The following PIBF1 variants were observed in gnomAD, a reference collection of about 807,000 sequenced individuals.
PIBF1 encodes progesterone immunomodulatory binding factor 1.
PIBF1 carries 90 observed loss-of-function variants against 112.5 expected under a neutral mutation model. That is an observed-to-expected ratio of 0.80 (90% CI 0.67 to 0.95). The LOEUF is 0.95. PIBF1 is among the 40% of genes least tolerant of loss of function. The pLI, the probability that PIBF1 is intolerant of heterozygous loss-of-function variation, is 0.00. For missense variants in PIBF1, 915 were observed against 852.3 expected, an observed-to-expected ratio of 1.07 and a Z score of -0.92; for synonymous variants, 301 against 288.6, an observed-to-expected ratio of 1.04 and a Z score of -0.44.
At chr13:72,983,660 G>A (rs372536011) in intron 16 of PIBF1, among the ~76,000 whole-genome samples, 4 of 151,994 alleles carry the variant, frequency 2.6e-5, no homozygotes, top group African/African-American at 9.7e-5. Context: ...GCGATTTCTC[G>A]GAAGATTTCA....
At chr13:72,954,585 G>A (rs1002273689) in intron 14 of PIBF1, among the ~76,000 whole-genome samples, 11 of 152,154 alleles carry the variant, frequency 7.2e-5, no homozygotes, top group Admixed American at 6.5e-4. Context: ...TATTCTCCAC[G>A]CTCACTAAAT....
chr13:72,869,939 G>A (rs1054381035), intron 10 of PIBF1, among the ~76,000 whole-genome samples: 1 of 151,850 alleles, frequency 6.6e-6, no homozygotes, highest in African/African-American at 2.4e-5. Flanking sequence ...AGTTTATTTA[G>A]GTAGAATTAT....
intron 12 of PIBF1, among the ~76,000 whole-genome samples, chr13:72,913,181 A>G (rs950744785): frequency 2.0e-5 from 3 of 152,092 alleles, no homozygotes; most frequent in Non-Finnish European, 4.4e-5. Context: ...GATGTTCTAT[A>G]TATCTTGATA....
At chr13:72,949,223 G>T (rs1361484319) in intron 14 of PIBF1, among the ~76,000 whole-genome samples, 1 of 150,082 alleles carries the variant, frequency 6.7e-6, no homozygotes, top group East Asian at 2.0e-4. Flanking sequence ...GACTGATTTG[G>T]AAGATTGGGG....
rs550972906 is a variant in PIBF1 at position 73,001,793 on chromosome 13, T to C, written c.2223+2798T>C. Reference sequence around the variant, plus strand: ...CATGTGCCACAACGCCCAGCTGATTTTTGTATTTTCAGTAGAGGCAAGGTT... The same window carrying C: ...CATGTGCCACAACGCCCAGCTGATTCTTGTATTTTCAGTAGAGGCAAGGTT... On this transcript the variant is annotated intron_variant, in intron 17 of 17. Transcript: ENST00000326291. Among the ~76,000 whole-genome samples, 51 of 152,022 alleles carry C rather than the reference T, an allele frequency of 3.4e-4. No individual in the cohort carries two copies. The South Asian group carries it at 0.01, about 31-fold the overall frequency.
At chr13:72,969,394 T>A (rs1318742749) in intron 15 of PIBF1, among the ~76,000 whole-genome samples, 1 of 152,232 alleles carries the variant, frequency 6.6e-6, no homozygotes, top group Admixed American at 6.5e-5. Context: ...TGTCTTGTGT[T>A]TCATAAATTA....
chr13:72,989,044 A>G (rs1205139958), intron 16 of PIBF1, among the ~76,000 whole-genome samples: 3 of 152,194 alleles, frequency 2.0e-5, no homozygotes, highest in Non-Finnish European at 4.4e-5. Flanking sequence ...TCTCAAAAAA[A>G]AGAAAAAGAA....
At chr13:72,835,914 A>G (rs1434647560) in intron 9 of PIBF1, among the ~76,000 whole-genome samples, 1 of 151,946 alleles carries the variant, frequency 6.6e-6, no homozygotes, top group Non-Finnish European at 1.5e-5. Flanking sequence ...CCTGGCTAAC[A>G]TGGTGAAACC....
chr13:72,806,518 C>A (rs1458152532), intron 5 of PIBF1, among the ~76,000 whole-genome samples: 1 of 152,028 alleles, frequency 6.6e-6, no homozygotes, highest in African/African-American at 2.4e-5. Flanking sequence ...TGCTATCCCT[C>A]CCCTAGTCCC....
At chr13:72,894,772 A>AGTGTGTGTGTGTGTGTGT (rs35885902) in intron 11 of PIBF1, among the ~76,000 whole-genome samples, 23 of 137,218 alleles carry the variant, frequency 1.7e-4, no homozygotes, top group Non-Finnish European at 2.9e-4. Context: ...ATATATATAT[A>AGTGTGTGTGTGTGTGTGT]GTGTGTGTGT....
intron 16 of PIBF1, among the ~76,000 whole-genome samples, chr13:72,979,440 G>A (rs2043101598): frequency 3.9e-5 from 6 of 152,112 alleles, no homozygotes; most frequent in Admixed American, 3.9e-4. Flanking sequence ...ATGCCTAATA[G>A]AATACTGAGC....
At chr13:72,973,471 C>G in intron 15 of PIBF1, 120 bp from the exon 16 acceptor site, 1 of 547,424 alleles carries the variant, frequency 1.8e-6, no homozygotes, top group Non-Finnish European at 3.2e-6. Context: ...TATTTATGGA[C>G]TATAAATTTA....
In PIBF1 at chr13:72,973,706, C is replaced by T. The variant is rs568986175; in HGVS notation, c.2049+31C>T. The T allele has an allele frequency of 8.5e-5, 107 of 1,259,854 alleles. 1 individual carries two copies. The South Asian group carries it at 1.3e-3, about 16-fold the overall frequency. 78.0% of individuals were successfully genotyped at this position (1,259,854 alleles called of 1,614,324 possible). On this transcript the variant is annotated intron_variant, in intron 16 of 17. Transcript: ENST00000326291. Reference sequence around the variant, plus strand: ...TTTCCTATTTTGTCATAATTGTAATCATTTTAGGCTTTTTTAAAAACTGCT... The same window carrying T: ...TTTCCTATTTTGTCATAATTGTAATTATTTTAGGCTTTTTTAAAAACTGCT...
At chr13:72,792,642 A>G (rs2034992794) in intron 3 of PIBF1, 95 bp downstream of exon 3, 4 of 638,734 alleles carry the variant, frequency 6.3e-6, no homozygotes, top group Non-Finnish European at 7.9e-6. Context: ...AAGCTAAAAT[A>G]GAGAAATTTT....
At position 72,784,840 on chromosome 13, in the gene PIBF1, A is replaced by T. The variant is rs189905930; in HGVS notation, c.252+1119A>T. Among the ~76,000 whole-genome samples the T allele has an allele frequency of 2.0e-5, 3 of 152,276 alleles. No individual in the cohort carries two copies. In the East Asian group the frequency reaches 5.8e-4, roughly 29 times the overall value. On this transcript the variant is annotated intron_variant, in intron 2 of 17. Coordinates refer to ENST00000326291, the MANE Select transcript of PIBF1 (RefSeq NM_006346.4). ...TGGATAAATTACTTTTGTAGGCTCA[A>T]TTTAAAAAATCTAACATATGAGGTA... is the stretch of plus-strand genomic sequence containing the variant.
chr13:72,887,817 T>C (rs1201408401), intron 10 of PIBF1, among the ~76,000 whole-genome samples: 5 of 152,120 alleles, frequency 3.3e-5, no homozygotes, highest in Admixed American at 2.6e-4. Context: ...TAACTCAGTG[T>C]CCTTGTGTGA....
intron 10 of PIBF1, among the ~76,000 whole-genome samples, chr13:72,864,291 C>T (rs1566375207): frequency 6.6e-6 from 1 of 152,134 alleles, no homozygotes. Context: ...AGCTGCCTCC[C>T]AAATGTGTAA....
At chr13:72,961,097 C>G (rs938096384) in intron 14 of PIBF1, among the ~76,000 whole-genome samples, 1 of 145,684 alleles carries the variant, frequency 6.9e-6, no homozygotes, top group African/African-American at 2.6e-5. Flanking sequence ...ATATAACTAT[C>G]AGAAAATTTC....
intron 5 of PIBF1, among the ~76,000 whole-genome samples, chr13:72,809,590 T>TG (rs2035906247): frequency 1.8e-5 from 1 of 56,230 alleles, no homozygotes; most frequent in Non-Finnish European, 5.7e-5. Context: ...TTTTTTTTGG[T>TG]TTTTTTTTTT....
Sources: allele counts gnomAD v4.1 joint callset (sites outside exome capture counted in the v4.1 genomes callset), GRCh38; gene constraint gnomAD v4.1.1; transcripts MANE v1.5; gene names NCBI Gene and HGNC (gene_info 2026-07-23, HGNC 2026-07-21).